LVRN: variants seen among roughly 807,000 people sequenced by gnomAD.
LVRN encodes the protein aminopeptidase Q.
A neutral mutation model predicts 111.4 loss-of-function variants in LVRN; 99 were observed. That is an observed-to-expected ratio of 0.89 (90% CI 0.76 to 1.05). The LOEUF is 1.05. Ranked by LOEUF, LVRN falls within the 50% of genes least tolerant of loss-of-function variation. The probability of loss-of-function intolerance (pLI) is 0.00; values close to 1 mark genes in which losing one functional copy is unlikely to be tolerated. For missense variants in LVRN, 1,414 were observed against 1,206.8 expected, an observed-to-expected ratio of 1.17 and a Z score of -2.54; for synonymous variants, 488 against 449.5, an observed-to-expected ratio of 1.09 and a Z score of -1.08.
chr5:116,011,745 A>G (rs1401815305), intron 14 of LVRN, among the ~76,000 whole-genome samples: 1 of 152,206 alleles, frequency 6.6e-6, no homozygotes, highest in Non-Finnish European at 1.5e-5. Flanking sequence ...AGGCTCGTTG[A>G]TAACATCTGA....
intron 1 of LVRN, among the ~76,000 whole-genome samples, chr5:115,979,269 C>G (rs530275433): frequency 1.8e-4 from 28 of 152,256 alleles, no homozygotes; most frequent in African/African-American, 6.3e-4. Flanking sequence ...TAGACCTTGG[C>G]CATACCATCA....
At chr5:116,010,403 T>C (rs1479138558) in intron 13 of LVRN, 1 of 373,342 alleles carries the variant, frequency 2.7e-6, no homozygotes, top group Non-Finnish European at 5.3e-6. Context: ...GAGAATGACT[T>C]CTAATTAATA....
chr5:115,992,929 T>C (rs1748026644), intron 5 of LVRN, among the ~76,000 whole-genome samples: 1 of 152,230 alleles, frequency 6.6e-6, no homozygotes, highest in East Asian at 1.9e-4. Context: ...GTTATCTTCG[T>C]AATGTGGCTC....
intron 2 of LVRN, among the ~76,000 whole-genome samples, 160 bp from the exon 3 acceptor site, chr5:115,984,410 G>A (rs12515495): frequency 0.74 from 112,310 of 152,038 alleles, 42,285 homozygotes; most frequent in East Asian, 0.96. Context: ...TTCCTAATGT[G>A]GTTTTGGATA....
At chr5:115,993,386 G>A (rs1748037130) in intron 5 of LVRN, among the ~76,000 whole-genome samples, 1 of 152,102 alleles carries the variant, frequency 6.6e-6, no homozygotes, top group African/African-American at 2.4e-5. Flanking sequence ...ATTAGTAGGT[G>A]GCAAGTCAGC....
At chr5:115,965,922 A>G (rs1267005617) in intron 1 of LVRN, among the ~76,000 whole-genome samples, 1 of 152,192 alleles carries the variant, frequency 6.6e-6, no homozygotes, top group Non-Finnish European at 1.5e-5. Flanking sequence ...TCATAGCAGC[A>G]TGAGTACGGA....
intron 1 of LVRN, among the ~76,000 whole-genome samples, chr5:115,974,092 C>T (rs1243099114): frequency 2.6e-5 from 4 of 152,136 alleles, no homozygotes; most frequent in African/African-American, 9.7e-5. Flanking sequence ...TGTTTTAGCT[C>T]AGTCCACCAT....
At chr5:116,016,443 A>C (rs1748603898) in intron 18 of LVRN, among the ~76,000 whole-genome samples, 1 of 152,324 alleles carries the variant, frequency 6.6e-6, no homozygotes, top group Non-Finnish European at 1.5e-5. Context: ...TTTTATATTA[A>C]TGGTGTGGAA....
In LVRN at chr5:116,027,101, A is replaced by G. The variant is rs1195630900; in HGVS notation, c.*983A>G. The G allele has an allele frequency of 1.3e-5, 2 of 151,952 alleles. No homozygotes were observed. Among genetic ancestry groups the G allele is most frequent in the Non-Finnish European group, 2.9e-5 (2 of 67,846 alleles). The allele number at this position is 151,952 out of a possible 1,614,324, so 9.4% of individuals were successfully genotyped here. ...TTGAACCTACTTGTAATGTGGACCA[A>G]CTTACTTTACACATTTTCATCAGTC... On this transcript the variant is annotated 3_prime_UTR_variant, in exon 20 of 20. Coordinates refer to ENST00000357872, the MANE Select transcript of LVRN (RefSeq NM_173800.5).
intron 1 of LVRN, among the ~76,000 whole-genome samples, chr5:115,965,085 T>A (rs1348614190): frequency 3.9e-5 from 6 of 152,198 alleles, no homozygotes; most frequent in Non-Finnish European, 7.3e-5. Flanking sequence ...GGAATAGATA[T>A]AATAACTGTC....
chr5:116,015,875 G>A (rs1211392672), intron 18 of LVRN, 110 bp downstream of exon 18: 8 of 1,342,874 alleles, frequency 6.0e-6, no homozygotes, highest in Middle Eastern at 3.8e-4. Context: ...GGCCACAAAC[G>A]TCCTTTGCAT....
At chr5:115,977,606 T>C (rs1330521103) in intron 1 of LVRN, among the ~76,000 whole-genome samples, 1 of 152,126 alleles carries the variant, frequency 6.6e-6, no homozygotes, top group Non-Finnish European at 1.5e-5. Context: ...GACATCTCAG[T>C]TTAGTTTAGT....
At chr5:115,998,858 G>T (rs542579766) in intron 6 of LVRN, among the ~76,000 whole-genome samples, 1 of 152,258 alleles carries the variant, frequency 6.6e-6, no homozygotes, top group African/African-American at 2.4e-5. Context: ...TTTGATAATG[G>T]CCTAATCAAT....
chr5:115,964,941 G>A (rs867996123), intron 1 of LVRN, among the ~76,000 whole-genome samples: 1 of 152,192 alleles, frequency 6.6e-6, no homozygotes, highest in Non-Finnish European at 1.5e-5. Flanking sequence ...TGAAGCCAGG[G>A]TCATGAAGAA....
At chr5:116,016,181 A>G (rs532142328) in intron 18 of LVRN, among the ~76,000 whole-genome samples, 1 of 152,292 alleles carries the variant, frequency 6.6e-6, no homozygotes, top group Admixed American at 6.5e-5. Context: ...TTTTGCTAAT[A>G]GTTTTGTTTG....
intron 1 of LVRN, chr5:115,975,507 G>A (rs1470527204): frequency 6.1e-6 from 1 of 164,398 alleles, no homozygotes; most frequent in African/African-American, 2.4e-5. Context: ...TTTTTTCTCT[G>A]TGTGTTGGAA....
At chr5:116,025,879 C>T (rs113920831) in intron 19 of LVRN, 99 bp from the exon 20 acceptor site, 2 of 1,484,906 alleles carry the variant, frequency 1.3e-6, no homozygotes, top group Non-Finnish European at 1.8e-6. Flanking sequence ...ACCATCATCA[C>T]CAATTTACAA....
intron 4 of LVRN, 127 bp downstream of exon 4, chr5:115,988,066 G>C: frequency 7.7e-7 from 1 of 1,300,516 alleles, no homozygotes; most frequent in Non-Finnish European, 1.1e-6. Flanking sequence ...TTTGGAGTTA[G>C]CCTCCTGACC....
intron 6 of LVRN, chr5:115,995,514 A>T (rs552510143): frequency 6.6e-6 from 1 of 152,350 alleles, no homozygotes; most frequent in South Asian, 2.1e-4. Flanking sequence ...GGACGTCATT[A>T]TATAGATCAG....
Sources: allele counts gnomAD v4.1 joint callset (sites outside exome capture counted in the v4.1 genomes callset), GRCh38; gene constraint gnomAD v4.1.1; transcripts MANE v1.5; gene names NCBI Gene and HGNC (gene_info 2026-07-23, HGNC 2026-07-21).